LARS2: variants seen among roughly 807,000 people sequenced by gnomAD.
LARS2 encodes leucyl-tRNA synthetase 2, mitochondrial.
Under a neutral mutation model 116.6 loss-of-function variants are expected in LARS2, and 81 were observed. The observed-to-expected ratio is 0.69, with a 90% confidence interval of 0.58 to 0.84. The LOEUF (loss-of-function observed/expected upper bound fraction) is 0.84, where lower values mean the gene tolerates loss of function less well. LARS2 is among the 40% of genes least tolerant of loss of function. LARS2 has a pLI of 0.00. For synonymous variants in LARS2, 396 were observed against 407.2 expected (o/e 0.97, Z 0.33); for missense variants, 968 against 1,114.5 (o/e 0.87, Z 1.87).
intron 6 of LARS2, among the ~76,000 whole-genome samples, chr3:45,428,391 C>CT (rs1698634826): frequency 1.3e-5 from 2 of 151,748 alleles, no homozygotes; most frequent in South Asian, 4.2e-4. Flanking sequence ...CTACAGATGC[C>CT]TGCCACCACA....
intron 8 of LARS2, among the ~76,000 whole-genome samples, chr3:45,461,420 C>T (rs1219088426): frequency 6.6e-6 from 1 of 151,668 alleles, no homozygotes; most frequent in African/African-American, 2.4e-5. Context: ...ACTAAAAGGA[C>T]ACTGTAGCTT....
chr3:45,483,653 A>G (rs115152079), intron 10 of LARS2, among the ~76,000 whole-genome samples: 5,425 of 152,280 alleles, frequency 0.036, 101 homozygotes, highest in Middle Eastern at 0.068. Context: ...TGTCTCAAAA[A>G]AAAAGAAAAG....
intron 20 of LARS2, among the ~76,000 whole-genome samples, chr3:45,526,650 G>A (rs935781895): frequency 3.9e-5 from 6 of 151,988 alleles, no homozygotes; most frequent in African/African-American, 9.7e-5. Context: ...ATGGTGACTC[G>A]GGCACAGCGT....
chr3:45,536,948 C>CT lies in LARS2; in HGVS notation c.2405-4874dup, dbSNP rs930962771. Among the ~76,000 whole-genome samples, 12 of 152,134 alleles carry CT rather than the reference C, an allele frequency of 7.9e-5. No individual in the cohort carries two copies. The South Asian group carries it at 2.1e-3, about 26-fold the overall frequency. On this transcript the variant is annotated intron_variant, in intron 20 of 21. Transcript: ENST00000645846. ...AGTTCTGTATCAACACTATTCCATT[C>CT]TTTTTTTAACAGAGATAGGGTGTCC...
At chr3:45,398,644 A>G (rs940070518) in intron 3 of LARS2, among the ~76,000 whole-genome samples, 4 of 152,108 alleles carry the variant, frequency 2.6e-5, no homozygotes, top group Admixed American at 2.6e-4. Flanking sequence ...CTGTCATGAG[A>G]TGATTTAAAC....
chr3:45,412,387 A>C (rs1223375229), intron 4 of LARS2, among the ~76,000 whole-genome samples: 1 of 152,080 alleles, frequency 6.6e-6, no homozygotes, highest in Non-Finnish European at 1.5e-5. Flanking sequence ...ATATGTGTAC[A>C]TATGTTTGTA....
intron 17 of LARS2, among the ~76,000 whole-genome samples, chr3:45,517,267 C>T (rs1441428682): frequency 6.6e-6 from 1 of 152,214 alleles, no homozygotes; most frequent in Non-Finnish European, 1.5e-5. Flanking sequence ...TTGAGAATGC[C>T]TAGCCTAGTG....
At chr3:45,389,338 G>T (rs540373687) in intron 1 of LARS2, among the ~76,000 whole-genome samples, 2 of 151,944 alleles carry the variant, frequency 1.3e-5, no homozygotes, top group African/African-American at 2.4e-5. Flanking sequence ...TCCCACACAC[G>T]CAGGGAAATG....
chr3:45,473,392 G>GTT (rs71617894), intron 8 of LARS2, among the ~76,000 whole-genome samples: 67 of 148,136 alleles, frequency 4.5e-4, no homozygotes, highest in African/African-American at 8.9e-4. Flanking sequence ...TTTGTTTTTT[G>GTT]TTTTTTTTTT....
chr3:45,434,536 T>C (rs1575251982), intron 6 of LARS2, among the ~76,000 whole-genome samples: 1 of 152,254 alleles, frequency 6.6e-6, no homozygotes, highest in Non-Finnish European at 1.5e-5. Flanking sequence ...CTGCATAAAA[T>C]CCTTGTCAGA....
chr3:45,480,550 C>T (rs1559482433), intron 10 of LARS2, among the ~76,000 whole-genome samples: 1 of 152,224 alleles, frequency 6.6e-6, no homozygotes, highest in African/African-American at 2.4e-5. Flanking sequence ...GCTTCAGTTT[C>T]TTCTGATTTC....
At chr3:45,403,798 G>A (rs1436879866) in intron 4 of LARS2, among the ~76,000 whole-genome samples, 1 of 152,052 alleles carries the variant, frequency 6.6e-6, no homozygotes, top group Non-Finnish European at 1.5e-5. Context: ...GAAGCCTAAG[G>A]TCAGGCTAGA....
At chr3:45,436,591 G>A (rs573503221) in intron 6 of LARS2, among the ~76,000 whole-genome samples, 89 of 151,604 alleles carry the variant, frequency 5.9e-4, no homozygotes, top group African/African-American at 2.0e-3. Context: ...TCAGGAGATC[G>A]AGACCATCCT....
intron 7 of LARS2, 140 bp from the exon 8 acceptor site, chr3:45,458,603 C>T: frequency 1.3e-6 from 1 of 754,028 alleles, no homozygotes; most frequent in Non-Finnish European, 2.1e-6. Flanking sequence ...AGGAGAATCA[C>T]AGGAACCTAG....
At chr3:45,394,724 A>G in intron 3 of LARS2, 37 bp downstream of exon 3, 1 of 1,475,764 alleles carries the variant, frequency 6.8e-7, no homozygotes, top group Non-Finnish European at 9.5e-7. Context: ...GGTAGAGAAG[A>G]GGGGTTGAAG....
Position 45,446,924 on chromosome 3 carries a change from T to C in LARS2, c.550T>C (p.Trp184Arg), listed in dbSNP as rs1699029948. The change falls in exon 7 of 22, where the codon TGG becomes CGG. Residue 184 changes from tryptophan (W) to arginine (R), a missense_variant. Coordinates refer to ENST00000645846, the MANE Select transcript of LARS2 (RefSeq NM_015340.4). Reference protein sequence around the residue: ...ITTCLPDYYKWTQYLFIKLYE... With the variant: ...ITTCLPDYYKRTQYLFIKLYE... ...TACGTGTTTGCCAGATTACTACAAG[T>C]GGACTCAGTATCTCTTTATTAAACT... is the stretch of plus-strand genomic sequence containing the variant. 1 of 1,611,838 alleles carries C rather than the reference T, an allele frequency of 6.2e-7. No individual in the cohort carries two copies. Among genetic ancestry groups the C allele is most frequent in the African/African-American group, 1.3e-5 (1 of 74,840 alleles).
intron 7 of LARS2, among the ~76,000 whole-genome samples, chr3:45,456,321 G>A (rs1250502894): frequency 2.6e-5 from 4 of 152,140 alleles, no homozygotes; most frequent in Admixed American, 6.5e-5. Flanking sequence ...GGTGACTCAC[G>A]CCTGTAATCC....
At chr3:45,527,520 A>T (rs1474467343) in intron 20 of LARS2, among the ~76,000 whole-genome samples, 1 of 151,946 alleles carries the variant, frequency 6.6e-6, no homozygotes, top group Non-Finnish European at 1.5e-5. Flanking sequence ...GCTACTCGAG[A>T]GGCTGAGGCA....
intron 6 of LARS2, among the ~76,000 whole-genome samples, chr3:45,427,985 C>A (rs1698625084): frequency 6.6e-6 from 1 of 151,636 alleles, no homozygotes; most frequent in South Asian, 2.1e-4. Context: ...CCACACCCAG[C>A]TAATTTTGTA....
Sources: allele counts gnomAD v4.1 joint callset (sites outside exome capture counted in the v4.1 genomes callset), GRCh38; gene constraint gnomAD v4.1.1; transcripts MANE v1.5; gene names NCBI Gene and HGNC (gene_info 2026-07-23, HGNC 2026-07-21).